ZNF343: variants seen among roughly 807,000 people sequenced by gnomAD.
The protein encoded by ZNF343 is zinc finger protein 343.
ZNF343 carries 11 observed loss-of-function variants against 13.8 expected under a neutral mutation model. The observed-to-expected ratio is 0.80, with a 90% CI of 0.50 to 1.32. ZNF343 has a LOEUF of 1.32. Ranked by LOEUF, ZNF343 falls within the 40% of genes most tolerant of loss-of-function variation. The pLI is 0.00. For synonymous variants in ZNF343, 248 were observed against 260.0 expected (o/e 0.95, Z 0.44); for missense variants, 658 against 714.2 (o/e 0.92, Z 0.90).
chr20:2,484,610 G>A lies in ZNF343; in HGVS notation c.351C>T (p.Ala117=). 1 of 1,611,536 alleles carries A rather than the reference G, an allele frequency of 6.2e-7. No homozygotes were observed. ...GACTGAGGAACTGCTGACAGGAGAA[G>A]GCCAGAAGGCAGGAGGAACAAGTGT... ...EIYTCSSCLL[A]FSCQQFLSQH... is the part of the protein sequence containing the mutation. The change falls in exon 6 of 6, where the codon GCC becomes GCT. Residue 117 remains alanine (A), a synonymous_variant. Transcript: ENST00000278772.
At chr20:2,489,985 G>GAA (rs11482964) in intron 5 of ZNF343, among the ~76,000 whole-genome samples, 1 of 145,772 alleles carries the variant, frequency 6.9e-6, no homozygotes, top group African/African-American at 2.5e-5. Flanking sequence ...AACCCTGTCT[G>GAA]AAAAAAAAAG....
At chr20:2,514,349 A>G (rs568375275) in intron 1 of ZNF343, among the ~76,000 whole-genome samples, 89 of 152,338 alleles carry the variant, frequency 5.8e-4, no homozygotes, top group African/African-American at 2.1e-3. Context: ...ACCAAATTAA[A>G]TGTAGCTAGG....
chr20:2,483,741 T>C lies in ZNF343; in HGVS notation c.1220A>G (p.Lys407Arg). The C allele has an allele frequency of 6.2e-7, 1 of 1,614,152 alleles. No homozygotes were observed. Among genetic ancestry groups the C allele is most frequent in the South Asian group, 1.1e-5 (1 of 91,058 alleles). The change falls in exon 6 of 6, where the codon AAG becomes AGG. Residue 407 changes from lysine to arginine, a missense_variant. By Grantham distance (26) the Lys-to-Arg change is conservative. Coordinates refer to ENST00000278772, the MANE Select transcript of ZNF343 (RefSeq NM_024325.6). ...RKHQRIHSGE[K>R]PYVCRECGRG... ...CCCACACTCCCTGCAAACATAAGGCTTCTCCCCTGAGTGTATCCTCTGGTG... is the reference window on the plus strand; with the variant it reads ...CCCACACTCCCTGCAAACATAAGGCCTCTCCCCTGAGTGTATCCTCTGGTG...
intron 1 of ZNF343, among the ~76,000 whole-genome samples, chr20:2,520,462 G>T (rs1005503791): frequency 6.6e-6 from 1 of 151,982 alleles, no homozygotes; most frequent in African/African-American, 2.4e-5. Context: ...GCAAGACCCC[G>T]TCTCTATTAA....
rs2085241418 is a variant in ZNF343, at chr20:2,484,195, A to G, written c.766T>C (p.Phe256Leu). The change falls in exon 6 of 6, where the codon TTT (phenylalanine) becomes CTT (leucine). Residue 256 changes from phenylalanine (F) to leucine (L), a missense_variant. Phe to Leu is a conservative substitution (Grantham distance 22). Coordinates refer to ENST00000278772, the MANE Select transcript of ZNF343 (RefSeq NM_024325.6). Reference protein sequence around the residue: ...YEPDHNLESNFITNPRTLLGK... With the variant: ...YEPDHNLESNLITNPRTLLGK... ...AAGAGGGTCCTCGGGTTTGTAATAAAGTTTGATTCCAGGTTATGGTCCGGT... is the reference window on the plus strand; with the variant it reads ...AAGAGGGTCCTCGGGTTTGTAATAAGGTTTGATTCCAGGTTATGGTCCGGT... 5 of 1,614,222 alleles carry G rather than the reference A, an allele frequency of 3.1e-6. No homozygotes were observed. The highest frequency in any genetic ancestry group is 4.2e-6 in the Non-Finnish European group (5 of 1,180,046).
chr20:2,509,424 A>G (rs535525100), upstream of ZNF343, among the ~76,000 whole-genome samples: 28 of 152,308 alleles, frequency 1.8e-4, no homozygotes, highest in Non-Finnish European at 3.4e-4. Context: ...CCTCAACACC[A>G]GTGCACTCCT....
chr20:2,510,896 G>A (rs2122747984), upstream of ZNF343, among the ~76,000 whole-genome samples: 1 of 152,316 alleles, frequency 6.6e-6, no homozygotes, highest in East Asian at 1.9e-4. Context: ...AAATTAGGGA[G>A]AGGTAAGTTG....
In ZNF343 at chr20:2,483,565, C is replaced by T. The variant is rs1476586038; in HGVS notation, c.1396G>A (p.Val466Met). The T allele has an allele frequency of 1.9e-6, 3 of 1,612,566 alleles. No individual in the cohort carries two copies. The highest frequency in any genetic ancestry group is 1.3e-5 in the African/African-American group (1 of 74,478). Residue 466 changes from valine (V) to methionine (M), a missense_variant, in exon 6 of 6, where the codon GTG becomes ATG. Transcript: ENST00000278772. ...ERTHSGEKPY[V>M]CGECGRGFSR... ...AAGCCTCGGCCACACTCACCACACA[C>T]ATAAGGCTTCTCTCCAGAGTGCGTC...
chr20:2,489,341 C>T (rs2085330690), intron 5 of ZNF343, among the ~76,000 whole-genome samples: 1 of 152,174 alleles, frequency 6.6e-6, no homozygotes, highest in Non-Finnish European at 1.5e-5. Flanking sequence ...ACTTATTTCT[C>T]AGATTCAACC....
intron 5 of ZNF343, among the ~76,000 whole-genome samples, chr20:2,485,779 C>T (rs11699926): frequency 0.67 from 101,989 of 151,960 alleles, 35,897 homozygotes; most frequent in Non-Finnish European, 0.78. Context: ...GACAAGGCAC[C>T]GACCAGTGCT....
At chr20:2,497,518 AAGAC>A (rs1333337726) in intron 2 of ZNF343, among the ~76,000 whole-genome samples, 1 of 152,246 alleles carries the variant, frequency 6.6e-6, no homozygotes, top group African/African-American at 2.4e-5. Flanking sequence ...TGCTGCCAAG[AAGAC>A]AGAGTAAAAT....
At chr20:2,503,940 G>A (rs1311077939) in intron 1 of ZNF343, among the ~76,000 whole-genome samples, 1 of 151,940 alleles carries the variant, frequency 6.6e-6, no homozygotes, top group Non-Finnish European at 1.5e-5. Context: ...GCTAGCAGAA[G>A]GCAAGAAATA....
At chr20:2,496,818 T>C (rs920518849) in intron 2 of ZNF343, among the ~76,000 whole-genome samples, 1 of 152,192 alleles carries the variant, frequency 6.6e-6, no homozygotes, top group Admixed American at 6.5e-5. Context: ...CGGTGACTCA[T>C]GCCTTTAATC....
At chr20:2,490,190 A>C (rs1176941970) in intron 5 of ZNF343, among the ~76,000 whole-genome samples, 2 of 152,246 alleles carry the variant, frequency 1.3e-5, no homozygotes, top group East Asian at 3.9e-4. Flanking sequence ...AGCACAGGTG[A>C]GACAGCGATA....
chr20:2,516,288 A>G (rs1218764896), intron 1 of ZNF343, among the ~76,000 whole-genome samples: 4 of 152,084 alleles, frequency 2.6e-5, no homozygotes, highest in Non-Finnish European at 4.4e-5. Context: ...TCCAACAATT[A>G]GAGGCCAGCC....
intron 1 of ZNF343, among the ~76,000 whole-genome samples, 158 bp from the exon 2 acceptor site, chr20:2,500,900 G>A (rs1489549914): frequency 1.3e-5 from 2 of 152,212 alleles, no homozygotes; most frequent in African/African-American, 2.4e-5. Context: ...GAAGACAGGT[G>A]TTTTCTGCAT....
chr20:2,492,109 A>G (rs6114535), intron 5 of ZNF343: 2,379 of 155,400 alleles, frequency 0.015, 73 homozygotes, highest in African/African-American at 0.053. Flanking sequence ...TAAACAAATG[A>G]AAAAGAAAAA....
At chr20:2,490,327 G>C (rs1453804448) in intron 5 of ZNF343, among the ~76,000 whole-genome samples, 1 of 152,006 alleles carries the variant, frequency 6.6e-6, no homozygotes, top group Non-Finnish European at 1.5e-5. Flanking sequence ...GCAGCCCAGA[G>C]AAAAGAAAAA....
At chr20:2,489,993 A>AG (rs1178224430) in intron 5 of ZNF343, among the ~76,000 whole-genome samples, 1 of 152,038 alleles carries the variant, frequency 6.6e-6, no homozygotes, top group Non-Finnish European at 1.5e-5. Flanking sequence ...CTGAAAAAAA[A>AG]AGAAATAAAG....
Sources: gnomAD v4.1 joint callset for allele counts (sites outside exome capture counted in the v4.1 genomes callset) on GRCh38, gnomAD v4.1.1 for gene constraint, MANE v1.5 for transcripts, NCBI Gene and HGNC (gene_info 2026-07-23, HGNC 2026-07-21) for gene names.